Variants in HYDIN observed in about 807,000 individuals in gnomAD.
The protein encoded by HYDIN is HYDIN axonemal central pair apparatus protein, also known as axonemal central pair apparatus protein HYDIN.
Under a neutral mutation model 403.9 loss-of-function variants are expected in HYDIN, and 132 were observed. That is an observed-to-expected ratio of 0.33 (90% CI 0.28 to 0.38). The LOEUF (loss-of-function observed/expected upper bound fraction) is 0.38. Among genes scored for constraint, HYDIN ranks in the 10% least tolerant of loss-of-function variants. HYDIN has a pLI of 1.00. For synonymous variants in HYDIN, 1,202 were observed against 1,891.7 expected (o/e 0.64, Z 9.46); for missense variants, 2,827 against 5,009.5 (o/e 0.56, Z 13.15).
At chr16:70,905,632 TA>T (rs10718035) in intron 50 of HYDIN, among the ~76,000 whole-genome samples, 5,323 of 99,020 alleles carry the variant, frequency 0.054, 254 homozygotes, top group African/African-American at 0.21. Flanking sequence ...GACCCTATCT[TA>T]AAAAAAAAAA....
intron 10 of HYDIN, among the ~76,000 whole-genome samples, chr16:71,105,107 T>C (rs2083572753): frequency 6.6e-6 from 1 of 151,476 alleles, no homozygotes; most frequent in Admixed American, 6.6e-5. Flanking sequence ...TATGAAAATA[T>C]TCAAACTATA....
intron 58 of HYDIN, 81 bp from the exon 59 acceptor site, chr16:70,884,205 T>A: frequency 7.6e-7 from 1 of 1,308,708 alleles, no homozygotes; most frequent in Admixed American, 2.1e-5. Flanking sequence ...TTAGATGGTG[T>A]GGAGAGGGGG....
At chr16:71,203,319 G>C (rs2088118760) in intron 1 of HYDIN, among the ~76,000 whole-genome samples, 1 of 152,112 alleles carries the variant, frequency 6.6e-6, no homozygotes, top group Admixed American at 6.5e-5. Context: ...TTTTGATTAA[G>C]CTGTATTGAA....
rs769178858 is a variant in HYDIN, at chr16:70,803,178, G to A, written c.*4402C>T. Among the ~76,000 whole-genome samples, 2 of 151,992 alleles carry A rather than the reference G, an allele frequency of 1.3e-5. No homozygotes were observed. Among genetic ancestry groups the A allele is most frequent in the Non-Finnish European group, 2.9e-5 (2 of 67,968 alleles). ...ATAAGGAATTTTTTTTTTACCAGAA[G>A]TATTCTTTTCTCCTGAAATTATATT... On this transcript the variant is annotated 3_prime_UTR_variant, in exon 86 of 86. Transcript: ENST00000393567.
chr16:70,835,481 G>T (rs1218979190), intron 78 of HYDIN, among the ~76,000 whole-genome samples, 195 bp downstream of exon 78: 1 of 152,244 alleles, frequency 6.6e-6, no homozygotes, highest in Non-Finnish European at 1.5e-5. Context: ...CACAAAAACA[G>T]TGTGGGACTA....
At position 70,868,705 on chromosome 16, in the gene HYDIN, C is replaced by T; in HGVS notation, c.11175G>A (p.Arg3725=). ...SDVPINLKNM[R]IRCKLSRIMF... ...TAATCCTGGAGAGCTTGCACCTGAT[C>T]CGCATATTCTTTAGGTTGATGGGTA... is the stretch of plus-strand genomic sequence containing the variant. Residue 3725 remains arginine (R), a synonymous_variant, in exon 66 of 86, where the codon CGG becomes CGA. Coordinates refer to ENST00000393567, the MANE Select transcript of HYDIN (RefSeq NM_001270974.2). 6.2e-7 allele frequency: 1 copy of T among 1,614,122 alleles called. No individual in the cohort carries two copies. The highest frequency in any genetic ancestry group is 1.1e-5 in the South Asian group (1 of 91,052).
chr16:71,224,337 G>C (rs1434603863), intron 1 of HYDIN, among the ~76,000 whole-genome samples: 4 of 152,156 alleles, frequency 2.6e-5, no homozygotes, highest in Admixed American at 2.0e-4. Flanking sequence ...ATTGGGCATA[G>C]TGTACACTGC....
At chr16:70,963,986 A>G (rs1180436700) in intron 37 of HYDIN, among the ~76,000 whole-genome samples, 2 of 118,656 alleles carry the variant, frequency 1.7e-5, no homozygotes, top group Non-Finnish European at 3.3e-5. Flanking sequence ...GAAAGCAAGT[A>G]AAAACAAGGT....
intron 13 of HYDIN, among the ~76,000 whole-genome samples, chr16:71,073,224 C>A (rs548543388): frequency 2.6e-5 from 4 of 152,134 alleles, no homozygotes; most frequent in South Asian, 4.2e-4. Flanking sequence ...CTCTCCCTTG[C>A]GTACTTTTGT....
rs544895309 is a variant in HYDIN, at chr16:71,228,382, G to A, written c.-24+2180C>T. ...CATCAGAGTGAACAGGCAACCTACA[G>A]AATGGGAGAAAATTTTTGCAATCTA... On this transcript the variant is annotated intron_variant, in intron 1 of 85. Transcript: ENST00000393567. Among the ~76,000 whole-genome samples, 1,045 of 152,262 alleles carry A rather than the reference G, an allele frequency of 6.9e-3. 7 individuals carry two copies. The highest frequency in any genetic ancestry group is 0.017 in the Middle Eastern group (5 of 294).
At chr16:71,035,481 T>C (rs1489050530) in intron 18 of HYDIN, among the ~76,000 whole-genome samples, 1 of 128,284 alleles carries the variant, frequency 7.8e-6, no homozygotes, top group African/African-American at 2.8e-5. Flanking sequence ...TGAATTTATA[T>C]TACAGTAGAT....
At chr16:71,049,231 G>C (rs1225145853) in intron 18 of HYDIN, among the ~76,000 whole-genome samples, 1 of 152,222 alleles carries the variant, frequency 6.6e-6, no homozygotes, top group African/African-American at 2.4e-5. Flanking sequence ...CAGGAAGCAA[G>C]GAATGAGGCC....
intron 57 of HYDIN, among the ~76,000 whole-genome samples, chr16:70,890,959 A>C (rs1273416071): frequency 1.3e-5 from 2 of 150,284 alleles, no homozygotes; most frequent in Non-Finnish European, 3.0e-5. Flanking sequence ...TCCTATGATA[A>C]TAATTTCTTG....
chr16:71,217,111 T>G (rs1598053510), intron 1 of HYDIN, among the ~76,000 whole-genome samples: 2 of 152,366 alleles, frequency 1.3e-5, no homozygotes, highest in East Asian at 3.9e-4. Context: ...TTGCATTGAC[T>G]GTTAATTTAA....
chr16:70,974,988 G>A, intron 31 of HYDIN, 148 bp downstream of exon 31: 1 of 574,416 alleles, frequency 1.7e-6, no homozygotes, highest in Non-Finnish European at 3.1e-6. Flanking sequence ...TTGATGCTAG[G>A]GGATGGCGGA....
intron 23 of HYDIN, among the ~76,000 whole-genome samples, chr16:71,001,891 C>A (rs2079726069): frequency 6.6e-6 from 1 of 152,136 alleles, no homozygotes; most frequent in African/African-American, 2.4e-5. Flanking sequence ...TTAATTTTGT[C>A]CAATCTGGTG....
At chr16:71,201,524 G>A (rs1418030435) in intron 1 of HYDIN, among the ~76,000 whole-genome samples, 1 of 152,084 alleles carries the variant, frequency 6.6e-6, no homozygotes, top group Non-Finnish European at 1.5e-5. Context: ...TAGCTATATG[G>A]TTCAGAACAC....
At position 70,835,711 on chromosome 16, in the gene HYDIN, T is replaced by C; in HGVS notation, c.13366A>G (p.Ile4456Val). ...TGGAGTTCTGGAATTGTGAACAGAA[T>C]GGACTGATTAAATGTGAGCTGGGCC... ...SLAQLTFNQS[I>V]LFTIPELQEP... Residue 4456 changes from isoleucine (I) to valine (V), a missense_variant, in exon 78 of 86, where the codon ATT becomes GTT. Physicochemically the swap from Ile to Val is conservative, Grantham distance 29. Transcript: ENST00000393567. 1 of 723,680 alleles carries C rather than the reference T, an allele frequency of 1.4e-6. No homozygotes were observed. 44.8% of individuals were successfully genotyped at this position (723,680 alleles called of 1,614,324 possible).
chr16:70,912,704 G>C (rs2076726773), intron 47 of HYDIN, among the ~76,000 whole-genome samples: 1 of 150,762 alleles, frequency 6.6e-6, no homozygotes, highest in African/African-American at 2.4e-5. Flanking sequence ...CAATAGGATG[G>C]GTATCCATTC....
Sources: gnomAD v4.1 joint callset for allele counts (sites outside exome capture counted in the v4.1 genomes callset) on GRCh38, gnomAD v4.1.1 for gene constraint, MANE v1.5 for transcripts, NCBI Gene and HGNC (gene_info 2026-07-23, HGNC 2026-07-21) for gene names.